PRELID2: variants seen among roughly 807,000 people sequenced by gnomAD.
PRELID2 encodes PRELI domain-containing protein 2.
Under a neutral mutation model 28.4 loss-of-function variants are expected in PRELID2, and 25 were observed. That is an observed-to-expected ratio of 0.88 (90% confidence interval 0.64 to 1.23). The LOEUF is 1.23. Ranked by LOEUF, PRELID2 falls within the 50% of genes most tolerant of loss-of-function variation. PRELID2 has a pLI of 0.00. For synonymous variants in PRELID2, 76 were observed against 71.6 expected, an observed-to-expected ratio of 1.06 and a Z score of -0.31; for missense variants, 201 against 214.4, an observed-to-expected ratio of 0.94 and a Z score of 0.39.
At chr5:145,593,661 C>A (rs1753262599) in intron 1 of PRELID2, among the ~76,000 whole-genome samples, 1 of 152,156 alleles carries the variant, frequency 6.6e-6, no homozygotes, top group Non-Finnish European at 1.5e-5. Context: ...GCCTTTACCA[C>A]ATGAACTGTA....
At position 145,509,921 on chromosome 5, in the gene PRELID2, A is replaced by G. The variant is rs941823060; in HGVS notation, n.71-36606T>C. ...AGATCATATTTCCAAAGTTCAGAGC[A>G]GAAAGTAGGCATTTGATAAACTGCA... On this transcript the variant is annotated intron_variant and non_coding_transcript_variant, in intron 1 of 2. Coordinates refer to the PRELID2 transcript ENST00000510259. 2.0e-5 allele frequency among the ~76,000 whole-genome samples: 3 copies of G among 152,210 alleles called. No homozygotes were observed. The East Asian group carries it at 5.8e-4, about 29-fold the overall frequency.
chr5:145,282,581 A>G, the PRELID2 span, among the ~76,000 whole-genome samples: 2 of 150,004 alleles, frequency 1.3e-5, no homozygotes, highest in African/African-American at 2.5e-5. Context: ...GTACAGTGGC[A>G]TGATCTCGGC....
At chr5:145,639,666 A>C (rs79555439) in intron 1 of PRELID2, among the ~76,000 whole-genome samples, 3,067 of 152,294 alleles carry the variant, frequency 0.02, 109 homozygotes, top group African/African-American at 0.07. Flanking sequence ...TCTGGAAACT[A>C]TTCAAATCCA....
intron 5 of PRELID2, among the ~76,000 whole-genome samples, chr5:145,770,300 A>G (rs147947292): frequency 7.2e-5 from 11 of 152,132 alleles, no homozygotes; most frequent in Middle Eastern, 3.4e-3. Context: ...AGGATTGCTT[A>G]AGGCCAGGAG....
intron 1 of PRELID2, among the ~76,000 whole-genome samples, chr5:145,634,281 A>G (rs1753971421): frequency 6.6e-6 from 1 of 151,926 alleles, no homozygotes; most frequent in African/African-American, 2.4e-5. Context: ...TCATGCAAAC[A>G]CTCTGCCTCT....
chr5:145,242,418 T>C, the PRELID2 span, among the ~76,000 whole-genome samples: 1 of 151,992 alleles, frequency 6.6e-6, no homozygotes, highest in East Asian at 1.9e-4. Context: ...CACAATGAGT[T>C]TTCTGTGTAG....
intron 1 of PRELID2, among the ~76,000 whole-genome samples, chr5:145,571,090 C>T (rs993353419): frequency 1.3e-5 from 2 of 152,144 alleles, no homozygotes; most frequent in Non-Finnish European, 2.9e-5. Context: ...CATAAATGTA[C>T]TCTGATGTTT....
At chr5:145,464,901 G>A in the PRELID2 span, among the ~76,000 whole-genome samples, 1 of 152,038 alleles carries the variant, frequency 6.6e-6, no homozygotes, top group Non-Finnish European at 1.5e-5. Context: ...GGGGGGACTG[G>A]GGTACCTGAC....
chr5:145,377,879 T>C, the PRELID2 span, among the ~76,000 whole-genome samples: 9 of 152,170 alleles, frequency 5.9e-5, 1 homozygote, highest in South Asian at 2.1e-4. Flanking sequence ...TATGTGTGGA[T>C]TTGATCCTGT....
the PRELID2 span, among the ~76,000 whole-genome samples, chr5:145,282,874 A>G: frequency 2.6e-5 from 4 of 152,142 alleles, no homozygotes; most frequent in Non-Finnish European, 5.9e-5. Context: ...TATTGAAAAT[A>G]TTCCCTTCAA....
At chr5:145,745,293 A>G (rs1328398462) in intron 1 of PRELID2, among the ~76,000 whole-genome samples, 2 of 152,224 alleles carry the variant, frequency 1.3e-5, no homozygotes, top group Non-Finnish European at 2.9e-5. Flanking sequence ...ACACTTCAGG[A>G]TATTATCCAG....
intron 1 of PRELID2, among the ~76,000 whole-genome samples, chr5:145,522,825 GAGA>G (rs954475317): frequency 1.5e-4 from 22 of 151,704 alleles, no homozygotes; most frequent in Middle Eastern, 3.4e-3. Flanking sequence ...GGAGGAGTAG[GAGA>G]AGAAGAAGGA....
At chr5:145,320,302 G>T in the PRELID2 span, among the ~76,000 whole-genome samples, 28 of 148,766 alleles carry the variant, frequency 1.9e-4, no homozygotes, top group African/African-American at 7.0e-4. Context: ...ACGGAGTCTC[G>T]CTCTGTCGCC....
chr5:145,531,255 G>C (rs979654071), intron 1 of PRELID2, among the ~76,000 whole-genome samples: 1 of 152,112 alleles, frequency 6.6e-6, no homozygotes, highest in African/African-American at 2.4e-5. Flanking sequence ...CCCCCCTTGA[G>C]TTGTTATGCT....
Position 145,537,837 on chromosome 5 carries a change from G to T in PRELID2, n.71-64522C>A, listed in dbSNP as rs528171379. 7.7e-4 allele frequency among the ~76,000 whole-genome samples: 117 copies of T among 151,752 alleles called. 1 individual carries two copies. The highest frequency in any genetic ancestry group is 2.7e-3 in the African/African-American group (110 of 41,456). ...TTCTTTGCTGTGCAAAACCTTTTTA[G>T]TTTGATGTAATCCCATTTGCCTATT... On this transcript the variant is annotated intron_variant and non_coding_transcript_variant, in intron 1 of 2. Transcript: ENST00000510259.
the PRELID2 span, among the ~76,000 whole-genome samples, chr5:145,381,954 T>A: frequency 2.2e-5 from 3 of 135,318 alleles, no homozygotes; most frequent in East Asian, 5.9e-4. Flanking sequence ...TGGGATTACT[T>A]AGTTTTTTTT....
chr5:145,386,855 A>C, the PRELID2 span, among the ~76,000 whole-genome samples: 67 of 152,176 alleles, frequency 4.4e-4, no homozygotes, highest in Non-Finnish European at 6.5e-4. Flanking sequence ...ATAATGTTGC[A>C]TTTCAAGAAA....
In PRELID2 at chr5:145,796,559, A is replaced by AG; in HGVS notation, c.369-13_369-12insC. On this transcript the variant is annotated splice_polypyrimidine_tract_variant and intron_variant, in intron 4 of 6. Coordinates refer to ENST00000683046, the MANE Select transcript of PRELID2 (RefSeq NM_205846.3). The stretch of plus-strand genomic sequence containing the variant: ...GAATGAACTCTGTCCTGCAAAAAAA[A>AG]CAAAAAACACATCTTTGATGTCATT... The AG allele has an allele frequency of 2.0e-6, 3 of 1,537,424 alleles. No homozygotes were observed. The highest frequency in any genetic ancestry group is 1.2e-5 in the South Asian group (1 of 84,896).
intron 1 of PRELID2, among the ~76,000 whole-genome samples, chr5:145,542,663 A>T (rs531906534): frequency 3.3e-5 from 5 of 152,244 alleles, no homozygotes; most frequent in African/African-American, 1.2e-4. Context: ...GATTTGTTGA[A>T]ACTGACCTCT....
Sources: gnomAD v4.1 joint callset for allele counts (sites outside exome capture counted in the v4.1 genomes callset) on GRCh38, gnomAD v4.1.1 for gene constraint, MANE v1.5 for transcripts, NCBI Gene and HGNC (gene_info 2026-07-23, HGNC 2026-07-21) for gene names.